Variants in CRACR2A observed in about 807,000 individuals in gnomAD.
CRACR2A encodes the protein EF-hand calcium-binding domain-containing protein 4B.
In CRACR2A, 79 loss-of-function variants were observed where a neutral mutation model predicts 90.5. The ratio of observed to expected loss-of-function variants is 0.87; its 90% confidence interval spans 0.73 to 1.05. The LOEUF is 1.05. Among genes scored for constraint, CRACR2A ranks in the 50% least tolerant of loss-of-function variants. CRACR2A has a pLI of 0.00. For missense variants in CRACR2A, 823 were observed against 897.2 expected (o/e 0.92, Z 1.06); for synonymous variants, 338 against 356.7 (o/e 0.95, Z 0.59).
chr12:3,729,779 G>A (rs1394009748), intron 2 of CRACR2A: 1 of 152,134 alleles, frequency 6.6e-6, no homozygotes, highest in African/African-American at 2.4e-5. Flanking sequence ...GAAAAACCTG[G>A]GTTCTGATCC....
chr12:3,750,859 T>C (rs1946692349), intron 1 of CRACR2A, among the ~76,000 whole-genome samples: 1 of 152,194 alleles, frequency 6.6e-6, no homozygotes, highest in African/African-American at 2.4e-5. Flanking sequence ...GGATGGCTAC[T>C]GCGGCCACTG....
At position 3,678,981 on chromosome 12, in the gene CRACR2A, C is replaced by A. The variant is rs767357528; in HGVS notation, c.458G>T (p.Gly153Val). 2 of 1,613,904 alleles carry A rather than the reference C, an allele frequency of 1.2e-6. No individual in the cohort carries two copies. The highest frequency in any genetic ancestry group is 1.7e-6 in the Non-Finnish European group (2 of 1,179,916). ...SRGDEDLGDM[G>V]EDEEAQFRML... ...CCGGAACTGGGCTTCCTCATCTTCG[C>A]CCATGTCGCCCAGATCCTCATCCCC... Residue 153 changes from glycine to valine, a missense_variant, in exon 6 of 20, where the codon GGC (glycine) becomes GTC (valine). By Grantham distance (109) the Gly-to-Val change is moderately radical. Transcript: ENST00000440314.
In CRACR2A at chr12:3,638,162, G is replaced by C; in HGVS notation, c.1564C>G (p.Pro522Ala). ...APPLKLTPTSPRGQPVGKEAL... is the reference protein window; with the variant it reads ...APPLKLTPTSARGQPVGKEAL... ...TCTTTTCCAACAGGCTGCCCTCGGG[G>C]GGATGTGGGGGTGAGTTTCAAGGGT... The change falls in exon 14 of 20, where the codon CCC (proline) becomes GCC (alanine). Residue 522 changes from proline to alanine, a missense_variant. Coordinates refer to ENST00000440314, the MANE Select transcript of CRACR2A (RefSeq NM_001144958.2). 6.5e-7 allele frequency: 1 copy of C among 1,549,686 alleles called. No individual in the cohort carries two copies.
chr12:3,731,247 A>C (rs1243509212), intron 2 of CRACR2A: 2 of 152,218 alleles, frequency 1.3e-5, no homozygotes, highest in Admixed American at 1.3e-4. Flanking sequence ...TCCAAAACTC[A>C]ACTTCCCGGG....
chr12:3,632,207 A>C (rs1264911765), intron 15 of CRACR2A, among the ~76,000 whole-genome samples: 3 of 151,688 alleles, frequency 2.0e-5, no homozygotes, highest in East Asian at 1.9e-4. Context: ...CTTTCCCTTT[A>C]CCTTCCGCCA....
intron 1 of CRACR2A, among the ~76,000 whole-genome samples, chr12:3,752,273 G>A (rs1381271019): frequency 1.3e-5 from 2 of 152,134 alleles, no homozygotes; most frequent in African/African-American, 2.4e-5. Flanking sequence ...TTCCCACGTG[G>A]CAGGGTACAT....
chr12:3,669,320 G>A (rs930195341), intron 7 of CRACR2A, among the ~76,000 whole-genome samples: 1 of 152,188 alleles, frequency 6.6e-6, no homozygotes, highest in Non-Finnish European at 1.5e-5. Flanking sequence ...CCAGAAAAAG[G>A]TAAATGCAGG....
intron 13 of CRACR2A, chr12:3,640,572 G>A: frequency 7.8e-7 from 1 of 1,280,930 alleles, no homozygotes; most frequent in Non-Finnish European, 1.0e-6. Context: ...CTATTGCAGA[G>A]ATTTGGCTCC....
intron 2 of CRACR2A, among the ~76,000 whole-genome samples, chr12:3,723,243 T>G (rs1255625903): frequency 6.6e-6 from 1 of 152,110 alleles, no homozygotes; most frequent in East Asian, 1.9e-4. Flanking sequence ...GCTGCTCCCT[T>G]TCTCTGGGTT....
chr12:3,634,720 A>G (rs1192275308), intron 14 of CRACR2A, among the ~76,000 whole-genome samples: 2 of 152,246 alleles, frequency 1.3e-5, no homozygotes, highest in East Asian at 3.9e-4. Context: ...TTGAGCAAAT[A>G]CTATAATGTA....
intron 6 of CRACR2A, among the ~76,000 whole-genome samples, chr12:3,677,363 T>C (rs939684688): frequency 5.9e-5 from 9 of 152,228 alleles, no homozygotes; most frequent in East Asian, 1.9e-4. Context: ...CTGTGTATCA[T>C]CTTTTACAGA....
intron 1 of CRACR2A, among the ~76,000 whole-genome samples, chr12:3,736,799 G>T (rs1294572154): frequency 6.6e-6 from 1 of 152,202 alleles, no homozygotes. Context: ...GCTGACAGCA[G>T]GTTCAAATGT....
At chr12:3,712,825 T>G (rs1215990793) in intron 3 of CRACR2A, among the ~76,000 whole-genome samples, 1 of 151,948 alleles carries the variant, frequency 6.6e-6, no homozygotes, top group Non-Finnish European at 1.5e-5. Flanking sequence ...AGCAGGGAAA[T>G]CAGGATTGGA....
intron 2 of CRACR2A, chr12:3,732,671 C>G (rs1254399527): frequency 6.6e-6 from 1 of 152,240 alleles, no homozygotes; most frequent in Admixed American, 6.5e-5. Flanking sequence ...GCGCTTTTGT[C>G]CCAGTCAGAG....
chr12:3,656,407 C>T lies in CRACR2A; in HGVS notation c.763-1G>A. 6.2e-7 allele frequency: 1 copy of T among 1,614,072 alleles called. No individual in the cohort carries two copies. Among genetic ancestry groups the T allele is most frequent in the Non-Finnish European group, 8.5e-7 (1 of 1,180,014 alleles). On this transcript the variant is annotated splice_acceptor_variant, in intron 8 of 19. Transcript: ENST00000440314. LOFTEE classifies it high-confidence loss of function. The stretch of plus-strand genomic sequence containing the variant: ...TGCGGGCTTGAAACCTCTCTGTGTC[C>T]TGCCAAGCCAGAAAGAGGGACACAC...
intron 3 of CRACR2A, among the ~76,000 whole-genome samples, chr12:3,698,634 G>A (rs1202647157): frequency 6.6e-6 from 1 of 152,166 alleles, no homozygotes; most frequent in East Asian, 1.9e-4. Flanking sequence ...CCCATCCTCA[G>A]GAAATGTTCT....
intron 5 of CRACR2A, among the ~76,000 whole-genome samples, chr12:3,679,948 CTA>C (rs1945414918): frequency 1.3e-5 from 2 of 152,180 alleles, no homozygotes; most frequent in Non-Finnish European, 2.9e-5. Flanking sequence ...CCCTTTTATG[CTA>C]TGGCTTCTGC....
At chr12:3,686,881 T>C (rs569040310) in intron 4 of CRACR2A, among the ~76,000 whole-genome samples, 1 of 152,304 alleles carries the variant, frequency 6.6e-6, no homozygotes, top group Admixed American at 6.5e-5. Context: ...GCAGAACACA[T>C]GCATTTCACA....
chr12:3,653,394 C>A (rs113316192), intron 10 of CRACR2A, among the ~76,000 whole-genome samples: 128 of 152,310 alleles, frequency 8.4e-4, no homozygotes, highest in African/African-American at 2.9e-3. Context: ...ATGAATAAGT[C>A]ATTGACTATA....
Sources: allele counts gnomAD v4.1 joint callset (sites outside exome capture counted in the v4.1 genomes callset), GRCh38; gene constraint gnomAD v4.1.1; transcripts MANE v1.5; gene names NCBI Gene and HGNC (gene_info 2026-07-23, HGNC 2026-07-21).